SEMA4D: variants seen among roughly 807,000 people sequenced by gnomAD.
SEMA4D encodes semaphorin 4D.
A neutral mutation model predicts 74.8 loss-of-function variants in SEMA4D; 22 were observed. The ratio of observed to expected loss-of-function variants is 0.29; its 90% CI spans 0.21 to 0.42. The LOEUF (loss-of-function observed/expected upper bound fraction) is 0.42, where lower values mean the gene tolerates loss of function less well. SEMA4D is among the 10% of genes least tolerant of loss of function. The pLI is 1.00. For synonymous variants in SEMA4D, 445 were observed against 463.7 expected (o/e 0.96, Z 0.52); for missense variants, 937 against 1,118.4 (o/e 0.84, Z 2.31).
At chr9:89,394,989 TAC>T (rs1182159532) in intron 6 of SEMA4D, among the ~76,000 whole-genome samples, 1 of 152,172 alleles carries the variant, frequency 6.6e-6, no homozygotes, top group East Asian at 1.9e-4. Context: ...CACACATATG[TAC>T]ACAGACACAC....
At chr9:89,414,938 G>C (rs886692728) in intron 2 of SEMA4D, among the ~76,000 whole-genome samples, 3 of 152,218 alleles carry the variant, frequency 2.0e-5, no homozygotes, top group African/African-American at 7.2e-5. Flanking sequence ...TACAGAATGG[G>C]AAACCCAGGG....
intron 2 of SEMA4D, among the ~76,000 whole-genome samples, chr9:89,414,818 G>A (rs888386413): frequency 2.0e-5 from 3 of 152,226 alleles, no homozygotes; most frequent in Non-Finnish European, 4.4e-5. Flanking sequence ...GCCAGGACCA[G>A]TCTACTTCAC....
chr9:89,467,443 T>A (rs938071518), intron 1 of SEMA4D, among the ~76,000 whole-genome samples: 2 of 151,424 alleles, frequency 1.3e-5, no homozygotes, highest in African/African-American at 2.4e-5. Flanking sequence ...ATTCTCCTCC[T>A]TTGAGTTACC....
rs1854240375 is a variant in SEMA4D, at chr9:89,450,675, A to G, written c.-244+5213T>C. 15 of 947,654 alleles carry G rather than the reference A, an allele frequency of 1.6e-5. 1 individual carries two copies. The highest frequency in any genetic ancestry group is 2.3e-5 in the Admixed American group (1 of 43,746). The allele number at this position is 947,654 out of a possible 1,614,324, so 58.7% of individuals were successfully genotyped here. ...AAAAACCCAGGAAAAAAAAAAAAAA[A>G]AAAAAAAAAAAAGGCCTCCAAGACT... On this transcript the variant is annotated intron_variant, in intron 2 of 15. Coordinates refer to ENST00000422704, the MANE Select transcript of SEMA4D (RefSeq NM_001371194.2).
In SEMA4D at chr9:89,388,728, G is replaced by A. The variant is rs763034111; in HGVS notation, c.1015C>T (p.His339Tyr). ...NLSTAEEVFS[H>Y]GKYMQSTTVE... Reference sequence around the variant, plus strand: ...GTGGTGCTCTGCATGTACTTCCCGTGGGAGAAGACCTCCTCGGCTGTGGAC... The same window carrying A: ...GTGGTGCTCTGCATGTACTTCCCGTAGGAGAAGACCTCCTCGGCTGTGGAC... Residue 339 changes from histidine to tyrosine, a missense_variant, in exon 11 of 16, where the codon CAC becomes TAC. Physicochemically the swap from His to Tyr is moderately conservative, Grantham distance 83 (BLOSUM62 2). Coordinates refer to ENST00000422704, the MANE Select transcript of SEMA4D (RefSeq NM_001371194.2). 5.0e-6 allele frequency: 8 copies of A among 1,611,032 alleles called. No homozygotes were observed. Among genetic ancestry groups the A allele is most frequent in the Non-Finnish European group, 6.8e-6 (8 of 1,179,278 alleles).
intron 16 of SEMA4D, chr9:89,365,784 C>G (rs1368131636): frequency 6.6e-6 from 1 of 152,212 alleles, no homozygotes; most frequent in Non-Finnish European, 1.5e-5. Flanking sequence ...CCTCCCTGGG[C>G]AGGACAGTAG....
intron 13 of SEMA4D, among the ~76,000 whole-genome samples, chr9:89,382,954 C>T (rs1302760570): frequency 2.0e-5 from 3 of 151,924 alleles, no homozygotes; most frequent in South Asian, 2.1e-4. Context: ...CTGCACCCTG[C>T]GGGAGACTCA....
At chr9:89,481,014 TA>T (rs1028001970) in intron 1 of SEMA4D, among the ~76,000 whole-genome samples, 3 of 152,212 alleles carry the variant, frequency 2.0e-5, no homozygotes, top group African/African-American at 7.2e-5. Context: ...CTTCTCCCGC[TA>T]AAAGTAACAC....
chr9:89,461,850 G>C (rs1414846369), intron 1 of SEMA4D, among the ~76,000 whole-genome samples: 1 of 151,844 alleles, frequency 6.6e-6, no homozygotes, highest in Non-Finnish European at 1.5e-5. Flanking sequence ...TTACAGGCGT[G>C]CGCCACTACG....
At chr9:89,448,864 G>A (rs1337456110) in intron 2 of SEMA4D, among the ~76,000 whole-genome samples, 1 of 152,214 alleles carries the variant, frequency 6.6e-6, no homozygotes, top group Non-Finnish European at 1.5e-5. Context: ...GCCCCTCAGT[G>A]GGACCCCAGG....
intron 2 of SEMA4D, among the ~76,000 whole-genome samples, chr9:89,409,674 G>A (rs981572419): frequency 3.9e-5 from 6 of 152,152 alleles, no homozygotes; most frequent in African/African-American, 1.4e-4. Context: ...ACACATTAAG[G>A]AAGTAAGTGC....
chr9:89,391,634 TCA>T (rs1839896084), intron 8 of SEMA4D, among the ~76,000 whole-genome samples: 1 of 152,134 alleles, frequency 6.6e-6, no homozygotes, highest in African/African-American at 2.4e-5. Context: ...CTCCTCGGCC[TCA>T]GAGAGGTGCC....
chr9:89,461,325 C>T (rs1432014162), intron 1 of SEMA4D, among the ~76,000 whole-genome samples: 1 of 152,144 alleles, frequency 6.6e-6, no homozygotes, highest in Non-Finnish European at 1.5e-5. Flanking sequence ...GAAATTGGGA[C>T]CGGTAATCCC....
At chr9:89,371,918 G>A (rs1834984043) in intron 16 of SEMA4D, among the ~76,000 whole-genome samples, 2 of 103,826 alleles carry the variant, frequency 1.9e-5, no homozygotes, top group Non-Finnish European at 4.2e-5. Flanking sequence ...TGTGGTGTGT[G>A]GGGTGTGGTG....
Position 89,478,524 on chromosome 9 carries a change from G to A in SEMA4D, c.-310+19395C>T, listed in dbSNP as rs1214690873. Among the ~76,000 whole-genome samples the A allele has an allele frequency of 2.0e-5, 3 of 152,246 alleles. No homozygotes were observed. The South Asian group carries it at 6.2e-4, about 32-fold the overall frequency. ...GTTGTTGGAAACCACCCAGTGTGTG[G>A]TACTTTTTATGGCAGCTACCAGACA... On this transcript the variant is annotated intron_variant, in intron 1 of 15. Transcript: ENST00000422704.
At chr9:89,485,408 GCTT>G (rs1825102854) in intron 1 of SEMA4D, among the ~76,000 whole-genome samples, 1 of 152,132 alleles carries the variant, frequency 6.6e-6, no homozygotes, top group African/African-American at 2.4e-5. Context: ...TTCAATAAAT[GCTT>G]CTTAACATTC....
At chr9:89,445,517 C>T (rs1852601996) in intron 2 of SEMA4D, among the ~76,000 whole-genome samples, 1 of 152,214 alleles carries the variant, frequency 6.6e-6, no homozygotes, top group Admixed American at 6.5e-5. Flanking sequence ...TTCCTGGCCT[C>T]TTCCAGTTTC....
chr9:89,466,907 G>GAA (rs1167066254), intron 1 of SEMA4D, among the ~76,000 whole-genome samples: 1 of 152,158 alleles, frequency 6.6e-6, no homozygotes, highest in Non-Finnish European at 1.5e-5. Context: ...TCTATAACTA[G>GAA]AAGTTTCTGA....
At chr9:89,376,167 TCC>T (rs1384569406), downstream of SEMA4D, among the ~76,000 whole-genome samples, 1 of 152,190 alleles carries the variant, frequency 6.6e-6, no homozygotes, top group African/African-American at 2.4e-5. Flanking sequence ...TTAAAACAAC[TCC>T]CATTCTGGAA....
Sources: allele counts gnomAD v4.1 joint callset (sites outside exome capture counted in the v4.1 genomes callset), GRCh38; gene constraint gnomAD v4.1.1; transcripts MANE v1.5; gene names NCBI Gene and HGNC (gene_info 2026-07-23, HGNC 2026-07-21).